The following RUFY1 variants were observed in gnomAD, a reference collection of about 807,000 sequenced individuals.
The protein encoded by RUFY1 is RUN and FYVE domain containing 1, also known as RUN and FYVE domain-containing protein 1.
Under a neutral mutation model 94.6 loss-of-function variants are expected in RUFY1, and 54 were observed. That is an observed-to-expected ratio of 0.57 (90% confidence interval 0.46 to 0.72). RUFY1 has a LOEUF of 0.72. Among genes scored for constraint, RUFY1 ranks in the 30% least tolerant of loss-of-function variants. The pLI is 0.00. For synonymous variants in RUFY1, 396 were observed against 347.3 expected, an observed-to-expected ratio of 1.14 and a Z score of -1.56; for missense variants, 883 against 883.9, an observed-to-expected ratio of 1.00 and a Z score of 0.01.
chr5:179,580,239 G>GTGTGTGTATATATA (rs1554118948), intron 6 of RUFY1, among the ~76,000 whole-genome samples: 1 of 51,290 alleles, frequency 1.9e-5, no homozygotes, highest in East Asian at 1.1e-3. Flanking sequence ...GTGTGTGTGT[G>GTGTGTGTATATATA]TGTATATTTT....
In RUFY1 at chr5:179,576,523, C is replaced by T. The variant is rs762011424; in HGVS notation, c.829-552C>T. Among the ~76,000 whole-genome samples, 6 of 152,270 alleles carry T rather than the reference C, an allele frequency of 3.9e-5. No individual in the cohort carries two copies. In the South Asian group the frequency reaches 8.3e-4, roughly 21 times the overall value. ...GCAACTTCCGCCTCCCAGGTTCAAG[C>T]GATTCTCCTGCCTCAGCTTCCCGAT... On this transcript the variant is annotated intron_variant, in intron 5 of 17. Transcript: ENST00000319449.
chr5:179,591,833 T>G, intron 10 of RUFY1, 92 bp downstream of exon 10: 3 of 780,992 alleles, frequency 3.8e-6, no homozygotes, highest in Non-Finnish European at 6.1e-6. Context: ...ACCATCCTGA[T>G]GGTCATAGAA....
At chr5:179,603,967 G>A (rs984259166) in intron 15 of RUFY1, among the ~76,000 whole-genome samples, 4 of 152,334 alleles carry the variant, frequency 2.6e-5, no homozygotes, top group African/African-American at 9.6e-5. Context: ...TGAGGCAGGA[G>A]AATCGCTTGA....
At position 179,601,955 on chromosome 5, in the gene RUFY1, GCCCT is replaced by G; in HGVS notation, c.1828_1831del (p.Leu610ArgfsTer12). The G allele has an allele frequency of 6.2e-7, 1 of 1,613,474 alleles. No individual in the cohort carries two copies. Among genetic ancestry groups the G allele is most frequent in the Non-Finnish European group, 8.5e-7 (1 of 1,179,684 alleles). ...GAAGATCTGCGAGGAGCAGGAACAA[GCCCT>G]CCAGGAAATGGGCCTGCACCTCAGC... On this transcript the variant is annotated frameshift_variant, in exon 15 of 18. Transcript: ENST00000319449. LOFTEE classifies it high-confidence loss of function.
Position 179,566,513 on chromosome 5 carries a change from G to GA in RUFY1, c.603-948_603-947insA, listed in dbSNP as rs1762840114. Among the ~76,000 whole-genome samples the GA allele has an allele frequency of 3.3e-5, 5 of 151,660 alleles. No individual in the cohort carries two copies. In the South Asian group the frequency reaches 1.0e-3, roughly 32 times the overall value. On this transcript the variant is annotated intron_variant, in intron 3 of 17. Transcript: ENST00000319449. ...CCCAGCTACTCGGGAGGCTGAGGCAGGAGAATCACTTGAACCTGCGAGGTG... is the reference window on the plus strand; with the variant it reads ...CCCAGCTACTCGGGAGGCTGAGGCAGAGAGAATCACTTGAACCTGCGAGGTG...
intron 15 of RUFY1, among the ~76,000 whole-genome samples, chr5:179,603,422 C>T (rs1357247718): frequency 6.6e-6 from 1 of 152,058 alleles, no homozygotes; most frequent in East Asian, 1.9e-4. Flanking sequence ...CCCTCCCACC[C>T]TCCGCCCTGC....
intron 16 of RUFY1, chr5:179,606,145 C>T: frequency 1.7e-6 from 1 of 581,702 alleles, no homozygotes; most frequent in South Asian, 2.2e-5. Flanking sequence ...GACTCCAGTT[C>T]CTCCACCATC....
chr5:179,567,749 C>G (rs1441633619), intron 4 of RUFY1, among the ~76,000 whole-genome samples, 187 bp downstream of exon 4: 29 of 151,734 alleles, frequency 1.9e-4, no homozygotes, highest in Non-Finnish European at 4.4e-5. Flanking sequence ...ACTAAAAATA[C>G]GAAAATTAGC....
Position 179,562,578 on chromosome 5 carries a change from A to G in RUFY1, c.516A>G (p.Ser172=), listed in dbSNP as rs1294396683. 6.2e-7 allele frequency: 1 copy of G among 1,610,532 alleles called. No individual in the cohort carries two copies. Among genetic ancestry groups the G allele is most frequent in the Admixed American group, 1.7e-5 (1 of 59,946 alleles). ...VKKSFIGQNK[S]FFGPLELVEK... is the part of the protein sequence containing the mutation. ...AGAGTTTTATTGGCCAAAATAAATC[A>G]TTCTTTGGTCCTTTGGAGCTGGTGG... Residue 172 remains serine (S), a synonymous_variant, in exon 3 of 18, where the codon TCA becomes TCG. Transcript: ENST00000319449.
At chr5:179,603,989 G>C (rs1044813424) in intron 15 of RUFY1, among the ~76,000 whole-genome samples, 1 of 152,078 alleles carries the variant, frequency 6.6e-6, no homozygotes, top group Admixed American at 6.5e-5. Context: ...CCTGGGAGGC[G>C]GAGGTTGCGG....
intron 2 of RUFY1, among the ~76,000 whole-genome samples, chr5:179,561,808 G>A (rs1413370381): frequency 7.0e-6 from 1 of 142,470 alleles, no homozygotes; most frequent in Non-Finnish European, 1.5e-5. Context: ...TCAGCCTCCC[G>A]AGTAGCTGGG....
intron 3 of RUFY1, among the ~76,000 whole-genome samples, chr5:179,564,432 T>G (rs1021466654): frequency 5.3e-4 from 80 of 151,308 alleles, no homozygotes; most frequent in Non-Finnish European, 9.4e-4. Context: ...TTTTTTTTTT[T>G]TTTTTTTTTA....
intron 4 of RUFY1, among the ~76,000 whole-genome samples, chr5:179,568,690 C>T (rs1420191599): frequency 6.6e-6 from 1 of 152,132 alleles, no homozygotes; most frequent in Non-Finnish European, 1.5e-5. Flanking sequence ...ATTACCATAT[C>T]CCTCACTTTA....
chr5:179,551,783 G>A (rs1761866412), intron 1 of RUFY1, among the ~76,000 whole-genome samples: 1 of 150,626 alleles, frequency 6.6e-6, no homozygotes, highest in African/African-American at 2.4e-5. Context: ...AAAGTACTGG[G>A]ACTACAGGCT....
At chr5:179,571,234 G>A (rs909591087) in intron 5 of RUFY1, among the ~76,000 whole-genome samples, 2 of 152,082 alleles carry the variant, frequency 1.3e-5, no homozygotes, top group African/African-American at 2.4e-5. Context: ...CATGGCTCAC[G>A]CCTGTAATTC....
rs540162843 is a variant in RUFY1, at chr5:179,558,250, T to C, written c.311-1775T>C. 2.4e-4 allele frequency among the ~76,000 whole-genome samples: 36 copies of C among 152,268 alleles called. No homozygotes were observed. The South Asian group carries it at 7.3e-3, about 31-fold the overall frequency. On this transcript the variant is annotated intron_variant, in intron 1 of 17. Transcript: ENST00000319449. ...ATTACAGTTTTAAAATTTATAAATA[T>C]AATACATAGGCTTCTCTCGAAATAT...
At chr5:179,593,865 CT>C (rs1408612804) in intron 11 of RUFY1, among the ~76,000 whole-genome samples, 2 of 152,308 alleles carry the variant, frequency 1.3e-5, no homozygotes, top group East Asian at 3.9e-4. Context: ...TCACATGCCC[CT>C]GGTGACGTAG....
chr5:179,559,821 G>A (rs971758290), intron 1 of RUFY1: 3 of 1,332,846 alleles, frequency 2.3e-6, no homozygotes, highest in Non-Finnish European at 1.9e-6. Context: ...TCTGACCCAA[G>A]GCCCCGCCGT....
chr5:179,556,720 G>C (rs767088174), intron 1 of RUFY1, among the ~76,000 whole-genome samples: 1 of 151,938 alleles, frequency 6.6e-6, no homozygotes, highest in African/African-American at 2.4e-5. Flanking sequence ...GGCTGATCTC[G>C]AACTCCTGAC....
Sources: gnomAD v4.1 joint callset for allele counts (sites outside exome capture counted in the v4.1 genomes callset) on GRCh38, gnomAD v4.1.1 for gene constraint, MANE v1.5 for transcripts, NCBI Gene and HGNC (gene_info 2026-07-23, HGNC 2026-07-21) for gene names.